The following PTPRQ variants were observed in gnomAD, a reference collection of about 807,000 sequenced individuals.
PTPRQ encodes phosphatidylinositol phosphatase PTPRQ.
PTPRQ carries 199 observed loss-of-function variants against 246.0 expected under a neutral mutation model. The observed-to-expected ratio is 0.81, with a 90% CI of 0.72 to 0.91. The LOEUF (loss-of-function observed/expected upper bound fraction) is 0.91, where lower values mean the gene tolerates loss of function less well. Ranked by LOEUF, PTPRQ falls within the 40% of genes least tolerant of loss-of-function variation. PTPRQ has a pLI of 0.00. For synonymous variants in PTPRQ, 869 were observed against 853.2 expected (o/e 1.02, Z -0.32); for missense variants, 2,624 against 2,528.4 (o/e 1.04, Z -0.81).
intron 17 of PTPRQ, chr12:80,525,929 G>A (rs2120775616): frequency 6.6e-6 from 1 of 152,180 alleles, no homozygotes; most frequent in African/African-American, 2.4e-5. Context: ...CTGCGAGTTG[G>A]TGAGGTCTAG....
chr12:80,495,174 T>C lies in PTPRQ; in HGVS notation c.1703-18T>C. 2 of 1,544,988 alleles carry C rather than the reference T, an allele frequency of 1.3e-6. No individual in the cohort carries two copies. Among genetic ancestry groups the C allele is most frequent in the Non-Finnish European group, 1.7e-6 (2 of 1,145,242 alleles). ...GTGATACTTTTTTTTCATTCATATG[T>C]TCATTCTTCTTTTTAAGTGCCAAGC... is the stretch of plus-strand genomic sequence containing the variant. On this transcript the variant is annotated intron_variant, in intron 11 of 44. Transcript: ENST00000644991.
intron 8 of PTPRQ, among the ~76,000 whole-genome samples, chr12:80,482,719 A>T (rs1472764320): frequency 6.6e-6 from 1 of 151,558 alleles, no homozygotes; most frequent in Non-Finnish European, 1.5e-5. Context: ...GGCGAAGGAC[A>T]TGAACAGACA....
Position 80,604,927 on chromosome 12 carries a change from G to A in PTPRQ, c.4610-132G>A, listed in dbSNP as rs776003766. On this transcript the variant is annotated intron_variant, in intron 26 of 44. Transcript: ENST00000644991. ...TATTTGGTAATGCCTTTAGCACTCT[G>A]TGAAATATAAATTAATGTAAAATTA... 5 of 999,200 alleles carry A rather than the reference G, an allele frequency of 5.0e-6. No homozygotes were observed. In the South Asian group the frequency reaches 1.3e-4, roughly 26 times the overall value. The allele number at this position is 999,200 out of a possible 1,614,324, so 61.9% of individuals were successfully genotyped here. A position where few individuals can be genotyped will look rare whatever the true frequency, so the allele number is the denominator to read the frequency against.
At chr12:80,665,205 T>C (rs890697074) in intron 39 of PTPRQ, among the ~76,000 whole-genome samples, 2 of 152,036 alleles carry the variant, frequency 1.3e-5, no homozygotes, top group Admixed American at 6.6e-5. Flanking sequence ...TGGAGTCCGA[T>C]GTTCTAGGGC....
chr12:80,448,525 TC>T (rs1472251311), intron 3 of PTPRQ, among the ~76,000 whole-genome samples: 1 of 138,790 alleles, frequency 7.2e-6, no homozygotes, highest in East Asian at 2.5e-4. Context: ...CCCTCCCCAC[TC>T]CCCCCACCCC....
At chr12:80,578,031 G>A (rs1242119784) in intron 25 of PTPRQ, among the ~76,000 whole-genome samples, 2 of 151,744 alleles carry the variant, frequency 1.3e-5, no homozygotes, top group Non-Finnish European at 2.9e-5. Flanking sequence ...TCAGAGTGAC[G>A]TTGTAAGAAT....
chr12:80,670,514 G>A, intron 42 of PTPRQ, 22 bp downstream of exon 42: 3 of 1,470,658 alleles, frequency 2.0e-6, no homozygotes, highest in Non-Finnish European at 2.7e-6. Context: ...ATCAGAAATG[G>A]CCTTTGAACC....
chr12:80,677,034 C>T (rs567989388), intron 43 of PTPRQ, among the ~76,000 whole-genome samples: 17 of 152,170 alleles, frequency 1.1e-4, no homozygotes, highest in South Asian at 8.3e-4. Context: ...TAACACATAA[C>T]GGCAGAAGGA....
chr12:80,491,609 G>A (rs1249613116), intron 9 of PTPRQ, among the ~76,000 whole-genome samples: 1 of 151,906 alleles, frequency 6.6e-6, no homozygotes, highest in Non-Finnish European at 1.5e-5. Context: ...ACAAGATTTA[G>A]ACAATTGCAT....
chr12:80,446,399 T>C, intron 3 of PTPRQ, among the ~76,000 whole-genome samples: 1 of 152,030 alleles, frequency 6.6e-6, no homozygotes, highest in Middle Eastern at 3.4e-3. Flanking sequence ...CATGGCCTTG[T>C]TCTGTATATA....
In PTPRQ at chr12:80,527,661, T is replaced by C. The variant is rs1309949947; in HGVS notation, c.2679-6354T>C. Among the ~76,000 whole-genome samples, 6 of 152,246 alleles carry C rather than the reference T, an allele frequency of 3.9e-5. No homozygotes were observed. In the South Asian group the frequency reaches 1.0e-3, roughly 26 times the overall value. ...ATCCAGAAAAAGGAGAAAAAGCACA[T>C]TTAATTTAATGTTAGGAATGAAAAA... On this transcript the variant is annotated intron_variant, in intron 17 of 44. Transcript: ENST00000644991.
chr12:80,638,740 A>C (rs1899749186), intron 35 of PTPRQ, among the ~76,000 whole-genome samples: 1 of 152,198 alleles, frequency 6.6e-6, no homozygotes, highest in African/African-American at 2.4e-5. Flanking sequence ...AGCAGGAGTC[A>C]AATAAAGATG....
At chr12:80,469,693 T>C (rs1414670475) in intron 7 of PTPRQ, among the ~76,000 whole-genome samples, 1 of 152,164 alleles carries the variant, frequency 6.6e-6, no homozygotes, top group Non-Finnish European at 1.5e-5. Context: ...TAACTTATGC[T>C]CCTAAAATTC....
rs143209309 is a variant in PTPRQ at position 80,483,572 on chromosome 12, A to G, written c.1187-861A>G. Among the ~76,000 whole-genome samples the G allele has an allele frequency of 5.9e-3, 900 of 152,310 alleles. 10 individuals are homozygous for G. The highest frequency in any genetic ancestry group is 0.021 in the African/African-American group (862 of 41,568). Reference sequence around the variant, plus strand: ...TTTAGTATTAAATATCCATGTATTTAAAGACATTTAATTTAACAAAAATTT... The same window carrying G: ...TTTAGTATTAAATATCCATGTATTTGAAGACATTTAATTTAACAAAAATTT... On this transcript the variant is annotated intron_variant, in intron 8 of 44. Coordinates refer to ENST00000644991, the MANE Select transcript of PTPRQ (RefSeq NM_001145026.2).
At chr12:80,470,758 T>C (rs895302937) in intron 7 of PTPRQ, among the ~76,000 whole-genome samples, 2 of 152,142 alleles carry the variant, frequency 1.3e-5, no homozygotes, top group African/African-American at 4.8e-5. Flanking sequence ...AAATAGGTGA[T>C]TAAATCAATG....
intron 16 of PTPRQ, among the ~76,000 whole-genome samples, chr12:80,509,916 A>G (rs566727509): frequency 6.6e-6 from 1 of 151,650 alleles, no homozygotes; most frequent in East Asian, 1.9e-4. Context: ...CACTTTCCCA[A>G]CTTCTTGGAT....
At chr12:80,478,163 C>A (rs570921773) in intron 8 of PTPRQ, among the ~76,000 whole-genome samples, 1 of 147,984 alleles carries the variant, frequency 6.8e-6, no homozygotes, top group Non-Finnish European at 1.5e-5. Flanking sequence ...GTGGTTCTCC[C>A]AGCACGCAGC....
intron 3 of PTPRQ, among the ~76,000 whole-genome samples, chr12:80,455,335 C>T (rs1240461768): frequency 6.6e-6 from 1 of 152,064 alleles, no homozygotes; most frequent in Non-Finnish European, 1.5e-5. Context: ...AAAAATAAAT[C>T]AAGTTTAAAT....
At chr12:80,646,662 C>A (rs1029468063) in intron 35 of PTPRQ, among the ~76,000 whole-genome samples, 5 of 152,022 alleles carry the variant, frequency 3.3e-5, no homozygotes, top group Non-Finnish European at 5.9e-5. Flanking sequence ...AGTGCCCAGG[C>A]GATGTGGGTT....
Sources: allele counts gnomAD v4.1 joint callset (sites outside exome capture counted in the v4.1 genomes callset), GRCh38; gene constraint gnomAD v4.1.1; transcripts MANE v1.5; gene names NCBI Gene and HGNC (gene_info 2026-07-23, HGNC 2026-07-21).